The following DEPDC5 variants were observed in gnomAD, a reference collection of about 807,000 sequenced individuals.
The protein encoded by DEPDC5 is DEP domain containing 5, GATOR1 subcomplex subunit.
A neutral mutation model predicts 217.3 loss-of-function variants in DEPDC5; 73 were observed. The ratio of observed to expected loss-of-function variants is 0.34; its 90% CI spans 0.28 to 0.41. The LOEUF (loss-of-function observed/expected upper bound fraction) is 0.41. Among genes scored for constraint, DEPDC5 ranks in the 10% least tolerant of loss-of-function variants. DEPDC5 has a pLI of 1.00. For missense variants in DEPDC5, 1,675 were observed against 2,070.1 expected (o/e 0.81, Z 3.70); for synonymous variants, 733 against 756.7 (o/e 0.97, Z 0.51).
chr22:31,821,174 T>G (rs1029735570), intron 22 of DEPDC5, among the ~76,000 whole-genome samples: 1 of 152,268 alleles, frequency 6.6e-6, no homozygotes, highest in Non-Finnish European at 1.5e-5. Flanking sequence ...ATTTCCCTCT[T>G]ACTGAGTTTG....
intron 8 of DEPDC5, among the ~76,000 whole-genome samples, chr22:31,781,331 T>A (rs2084420331): frequency 1.3e-5 from 2 of 152,200 alleles, no homozygotes; most frequent in South Asian, 4.1e-4. Flanking sequence ...GGTCTTGTGT[T>A]ATTCAGGGGT....
intron 10 of DEPDC5, 72 bp from the exon 11 acceptor site, chr22:31,791,961 A>T: frequency 1.6e-5 from 9 of 572,018 alleles, no homozygotes; most frequent in East Asian, 3.6e-5. Flanking sequence ...AGAATATTAT[A>T]TGCATGCAGT....
intron 2 of DEPDC5, among the ~76,000 whole-genome samples, chr22:31,757,050 A>G (rs2081994606): frequency 6.6e-6 from 1 of 151,902 alleles, no homozygotes; most frequent in Admixed American, 6.6e-5. Context: ...CAGTTTGGTA[A>G]GATAGACATG....
intron 14 of DEPDC5, among the ~76,000 whole-genome samples, chr22:31,801,990 T>C (rs1416544078): frequency 6.7e-6 from 1 of 149,432 alleles, no homozygotes; most frequent in Non-Finnish European, 1.5e-5. Flanking sequence ...TTAAATAGTG[T>C]CTTAAATTAA....
At chr22:31,885,737 A>G (rs2093293007) in intron 38 of DEPDC5, among the ~76,000 whole-genome samples, 1 of 145,538 alleles carries the variant, frequency 6.9e-6, no homozygotes, top group African/African-American at 2.6e-5. Flanking sequence ...AAAAAAAAAA[A>G]AAAAAGAGAC....
chr22:31,891,007 C>T (rs2093428041), intron 38 of DEPDC5: 1 of 213,402 alleles, frequency 4.7e-6, no homozygotes, highest in Non-Finnish European at 9.3e-6. Flanking sequence ...CGTGAGCCAC[C>T]ATGCCCGGCT....
Position 31,845,205 on chromosome 22 carries a change from C to T in DEPDC5, c.2989C>T (p.Arg997Cys), listed in dbSNP as rs1555900981. ...CTTTGTGGAGGGCTTGAATCGCATT[C>T]GCAGGCGGCATCGCTCGGATCGCAT... ...VRFVEGLNRI[R>C]RRHRSDRMMR... Residue 997 changes from arginine (R) to cysteine (C), a missense_variant, in exon 30 of 43, where the codon CGC (arginine) becomes TGC (cysteine). By Grantham distance (180) the Arg-to-Cys change is radical (BLOSUM62 -3). Around this residue, in one of 11 missense-constraint regions of DEPDC5, gnomAD observed 293 missense variants for 386.1 expected, o/e 0.76. Coordinates refer to ENST00000651528, the MANE Select transcript of DEPDC5 (RefSeq NM_001242896.3). 3 of 1,614,140 alleles carry T rather than the reference C, an allele frequency of 1.9e-6. No homozygotes were observed. Among genetic ancestry groups the T allele is most frequent in the East Asian group, 2.2e-5 (1 of 44,878 alleles).
At position 31,839,693 on chromosome 22, in the gene DEPDC5, C is replaced by G. The variant is rs539646878; in HGVS notation, c.2515+848C>G. ...TCCCCCTGGATTTTCTTTGAAAGCC[C>G]CTTGTGACATTTATCACATGTTGCC... On this transcript the variant is annotated intron_variant, in intron 27 of 42. Transcript: ENST00000651528. Among the ~76,000 whole-genome samples, 4 of 151,270 alleles carry G rather than the reference C, an allele frequency of 2.6e-5. No individual in the cohort carries two copies. In the East Asian group the frequency reaches 5.8e-4, roughly 22 times the overall value.
intron 8 of DEPDC5, among the ~76,000 whole-genome samples, chr22:31,780,437 T>G (rs577916853): frequency 6.6e-6 from 1 of 152,308 alleles, no homozygotes; most frequent in African/African-American, 2.4e-5. Flanking sequence ...GAGGAATCAC[T>G]GGAGGCAGTT....
chr22:31,879,008 C>T (rs1339679314), intron 37 of DEPDC5, among the ~76,000 whole-genome samples: 14 of 123,246 alleles, frequency 1.1e-4, no homozygotes, highest in African/African-American at 2.5e-4. Context: ...CCAGCCTGGG[C>T]GACAGAGCGA....
At chr22:31,804,336 G>A (rs2148651299) in intron 16 of DEPDC5, 113 bp downstream of exon 16, 2 of 1,025,086 alleles carry the variant, frequency 2.0e-6, no homozygotes, top group Non-Finnish European at 3.0e-6. Flanking sequence ...AGAGGCTGAA[G>A]TGGGAAGATC....
rs146132411 is a variant in DEPDC5 at position 31,804,624 on chromosome 22, G to C, written c.1144-218G>C. Among the ~76,000 whole-genome samples, 968 of 152,308 alleles carry C rather than the reference G, an allele frequency of 6.4e-3. 17 individuals are homozygous for C. The highest frequency in any genetic ancestry group is 0.022 in the African/African-American group (907 of 41,572). ...CAGGCTAATTTTTGTATTTTTAGTAGAGACGGGGTTTCACCATGTTGGCCA... is the reference window on the plus strand; with the variant it reads ...CAGGCTAATTTTTGTATTTTTAGTACAGACGGGGTTTCACCATGTTGGCCA... On this transcript the variant is annotated intron_variant, in intron 16 of 42. Coordinates refer to ENST00000651528, the MANE Select transcript of DEPDC5 (RefSeq NM_001242896.3).
intron 7 of DEPDC5, among the ~76,000 whole-genome samples, chr22:31,776,140 C>T (rs1018670091): frequency 6.6e-6 from 1 of 150,448 alleles, no homozygotes; most frequent in African/African-American, 2.4e-5. Flanking sequence ...TTGCAATAGT[C>T]TCACTCTGTT....
intron 21 of DEPDC5, among the ~76,000 whole-genome samples, chr22:31,818,611 C>G (rs534837925): frequency 6.6e-6 from 1 of 152,352 alleles, no homozygotes; most frequent in South Asian, 2.1e-4. Context: ...TTGACTAGCT[C>G]TGCCAAGATC....
chr22:31,857,778 G>A (rs1419889416), intron 32 of DEPDC5: 4 of 421,208 alleles, frequency 9.5e-6, no homozygotes, highest in Non-Finnish European at 1.3e-5. Flanking sequence ...GATATAAAAC[G>A]GTCAGTCATG....
intron 38 of DEPDC5, among the ~76,000 whole-genome samples, chr22:31,883,615 G>A (rs1395350341): frequency 6.6e-6 from 1 of 152,202 alleles, no homozygotes; most frequent in African/African-American, 2.4e-5. Context: ...TACAATTTAT[G>A]CTTTAGAGTT....
chr22:31,879,799 C>T (rs2149296234), intron 38 of DEPDC5, 47 bp downstream of exon 38: 3 of 1,558,774 alleles, frequency 1.9e-6, no homozygotes, highest in Non-Finnish European at 2.6e-6. Flanking sequence ...CAGTGGGTGG[C>T]TGCGGGAAAG....
At chr22:31,855,981 T>C (rs1303566973) in intron 31 of DEPDC5, among the ~76,000 whole-genome samples, 1 of 151,860 alleles carries the variant, frequency 6.6e-6, no homozygotes, top group African/African-American at 2.4e-5. Context: ...TGAGATGGGG[T>C]GTAGCATATA....
chr22:31,821,103 T>C (rs2089652915), intron 22 of DEPDC5, among the ~76,000 whole-genome samples: 2 of 152,262 alleles, frequency 1.3e-5, no homozygotes, highest in South Asian at 4.1e-4. Context: ...ATCTTCTGCT[T>C]CTTAGAGTCA....
Sources: allele counts gnomAD v4.1 joint callset (sites outside exome capture counted in the v4.1 genomes callset), GRCh38; gene constraint gnomAD v4.1.1; regional missense constraint gnomAD v4.1.1; transcripts MANE v1.5; gene names NCBI Gene and HGNC (gene_info 2026-07-23, HGNC 2026-07-21).